The following MRE11 variants were observed in gnomAD, a reference collection of about 807,000 sequenced individuals.
The protein encoded by MRE11 is double-strand break repair protein MRE11.
In MRE11, 62 loss-of-function variants were observed where a neutral mutation model predicts 91.7. That is an observed-to-expected ratio of 0.68 (90% CI 0.55 to 0.84). The LOEUF is 0.84. MRE11 is among the 40% of genes least tolerant of loss of function. MRE11 has a pLI of 0.00. For synonymous variants in MRE11, 273 were observed against 271.4 expected, an observed-to-expected ratio of 1.01 and a Z score of -0.06; for missense variants, 796 against 852.9, an observed-to-expected ratio of 0.93 and a Z score of 0.83.
chr11:94,463,843 A>C (rs1946486854), intron 11 of MRE11, among the ~76,000 whole-genome samples: 2 of 152,114 alleles, frequency 1.3e-5, no homozygotes, highest in African/African-American at 4.8e-5. Flanking sequence ...TGACGAGTTA[A>C]TGGGTGCAGC....
intron 13 of MRE11, among the ~76,000 whole-genome samples, chr11:94,457,891 A>T (rs201801759): frequency 6.3e-5 from 6 of 94,606 alleles, no homozygotes; most frequent in African/African-American, 1.5e-4. Flanking sequence ...TCTCTCTCAC[A>T]CACACACACA....
chr11:94,453,408 G>A (rs1397062470), intron 14 of MRE11, among the ~76,000 whole-genome samples: 2 of 152,138 alleles, frequency 1.3e-5, no homozygotes, highest in Non-Finnish European at 2.9e-5. Flanking sequence ...GTTTTCCTCA[G>A]TAGCTGACCC....
intron 11 of MRE11, 123 bp from the exon 12 acceptor site, chr11:94,461,159 T>C: frequency 1.3e-6 from 1 of 763,390 alleles, no homozygotes. Flanking sequence ...TTGCTCAACA[T>C]GGTAAATTTT....
intron 2 of MRE11, chr11:94,492,566 C>T (rs1947311846): frequency 2.5e-6 from 2 of 792,866 alleles, no homozygotes; most frequent in African/African-American, 1.8e-5. Flanking sequence ...TATCAAATTA[C>T]TGCAAGACTC....
chr11:94,471,289 A>T (rs1447268002), intron 8 of MRE11, among the ~76,000 whole-genome samples: 2 of 152,044 alleles, frequency 1.3e-5, no homozygotes, highest in Non-Finnish European at 2.9e-5. Flanking sequence ...ATTAGTAATC[A>T]TCAACCTAAA....
At position 94,418,113 on chromosome 11, in the gene MRE11, A is replaced by T. The variant is rs1945074307; in HGVS notation, c.*2012T>A. On this transcript the variant is annotated 3_prime_UTR_variant, in exon 20 of 20. Coordinates refer to ENST00000323929, the MANE Select transcript of MRE11 (RefSeq NM_005591.4). Reference sequence around the variant, plus strand: ...GTCTGAAAATTGTTAGAAACAAAAAACAAAACTCCCCTAAAACCAACAGAT... The same window carrying T: ...GTCTGAAAATTGTTAGAAACAAAAATCAAAACTCCCCTAAAACCAACAGAT... The T allele has an allele frequency of 4.3e-6, 1 of 232,982 alleles. No individual in the cohort carries two copies. The highest frequency in any genetic ancestry group is 8.5e-6 in the Non-Finnish European group (1 of 117,994). The allele number at this position is 232,982 out of a possible 1,614,324, so 14.4% of individuals were successfully genotyped here.
intron 3 of MRE11, 40 bp downstream of exon 3, chr11:94,490,793 G>A (rs753151579): frequency 6.2e-7 from 1 of 1,608,988 alleles, no homozygotes; most frequent in Non-Finnish European, 8.5e-7. Context: ...GTTAACCAAG[G>A]GAATATGGTA....
At chr11:94,502,713 G>A in the MRE11 span, among the ~76,000 whole-genome samples, 1 of 151,678 alleles carries the variant, frequency 6.6e-6, no homozygotes, top group African/African-American at 2.4e-5. Context: ...TCTCACTGTT[G>A]TCCAGGCTAG....
intron 7 of MRE11, 101 bp from the exon 8 acceptor site, chr11:94,471,860 T>C (rs753700380): frequency 1.4e-5 from 13 of 932,760 alleles, no homozygotes; most frequent in East Asian, 7.9e-5. Flanking sequence ...AAAGATTTTA[T>C]TGCATCCTTC....
intron 14 of MRE11, among the ~76,000 whole-genome samples, chr11:94,449,684 G>A (rs966344215): frequency 3.3e-5 from 5 of 152,180 alleles, no homozygotes; most frequent in Non-Finnish European, 7.3e-5. Context: ...ATCATAGTGT[G>A]TACTTACACA....
chr11:94,429,196 GC>G (rs1945400021), intron 19 of MRE11, among the ~76,000 whole-genome samples: 1 of 152,180 alleles, frequency 6.6e-6, no homozygotes, highest in Non-Finnish European at 1.5e-5. Flanking sequence ...GACAACAGAT[GC>G]TAGTGAGGTT....
chr11:94,442,180 G>A (rs1053498901), intron 16 of MRE11, among the ~76,000 whole-genome samples: 11 of 151,912 alleles, frequency 7.2e-5, no homozygotes, highest in East Asian at 1.9e-4. Context: ...TAGAAGTGAC[G>A]GAAGATAGCA....
intron 16 of MRE11, among the ~76,000 whole-genome samples, chr11:94,441,379 A>G (rs371651246): frequency 3.3e-5 from 5 of 152,222 alleles, no homozygotes; most frequent in East Asian, 1.9e-4. Context: ...GTGGTGCCCT[A>G]CAAACCTAGA....
intron 18 of MRE11, among the ~76,000 whole-genome samples, chr11:94,435,619 C>T (rs1346269368): frequency 6.6e-6 from 1 of 152,114 alleles, no homozygotes; most frequent in Admixed American, 6.6e-5. Context: ...AAAAAAATTA[C>T]AGGCTATTTC....
chr11:94,506,950 G>A, the MRE11 span, among the ~76,000 whole-genome samples: 6 of 151,876 alleles, frequency 4.0e-5, no homozygotes, highest in East Asian at 1.9e-4. Context: ...ATTTTTATGA[G>A]TAAAAATATT....
chr11:94,428,941 G>A (rs77187798), intron 19 of MRE11, among the ~76,000 whole-genome samples: 3,997 of 150,894 alleles, frequency 0.026, 87 homozygotes, highest in Middle Eastern at 0.029. Flanking sequence ...CACAAAATAC[G>A]TATCCAACAA....
chr11:94,432,793 G>A (rs963896510), intron 18 of MRE11, among the ~76,000 whole-genome samples: 4 of 152,172 alleles, frequency 2.6e-5, no homozygotes, highest in South Asian at 2.1e-4. Flanking sequence ...GAGACAGAGC[G>A]AGACTCCGTC....
At chr11:94,491,488 A>C (rs1300274847) in intron 2 of MRE11, among the ~76,000 whole-genome samples, 1 of 152,194 alleles carries the variant, frequency 6.6e-6, no homozygotes, top group African/African-American at 2.4e-5. Flanking sequence ...AATTGTTTCA[A>C]TTTGAATTTG....
chr11:94,466,419 G>T, intron 10 of MRE11: 1 of 501,866 alleles, frequency 2.0e-6, no homozygotes, highest in African/African-American at 2.0e-5. Context: ...AGCGACAGTG[G>T]GATAAAGAAA....
Sources: allele counts gnomAD v4.1 joint callset (sites outside exome capture counted in the v4.1 genomes callset), GRCh38; gene constraint gnomAD v4.1.1; transcripts MANE v1.5; gene names NCBI Gene and HGNC (gene_info 2026-07-23, HGNC 2026-07-21).